Variants in DNM3 observed in about 807,000 individuals in gnomAD.
DNM3 encodes the protein dynamin 3.
DNM3 carries 47 observed loss-of-function variants against 101.6 expected under a neutral mutation model. The observed-to-expected ratio is 0.46, with a 90% CI of 0.37 to 0.59. DNM3 has a LOEUF of 0.59. Ranked by LOEUF, DNM3 falls within the 20% of genes least tolerant of loss-of-function variation. The probability of loss-of-function intolerance (pLI) is 0.00; values close to 1 mark genes in which losing one functional copy is unlikely to be tolerated. For missense variants in DNM3, 849 were observed against 1,085.7 expected, an observed-to-expected ratio of 0.78 and a Z score of 3.06; for synonymous variants, 385 against 387.9, an observed-to-expected ratio of 0.99 and a Z score of 0.09.
chr1:172,172,120 A>C (rs2058983771), intron 14 of DNM3, among the ~76,000 whole-genome samples: 1 of 151,630 alleles, frequency 6.6e-6, no homozygotes, highest in Non-Finnish European at 1.5e-5. Context: ...AAGGGTAGAG[A>C]GCCCCCTAAA....
chr1:172,243,108 G>T (rs959786637), intron 14 of DNM3, among the ~76,000 whole-genome samples: 1 of 151,998 alleles, frequency 6.6e-6, no homozygotes, highest in South Asian at 2.1e-4. Context: ...GCCATCTTTA[G>T]TCATAAGTCC....
intron 2 of DNM3, among the ~76,000 whole-genome samples, chr1:171,955,010 T>A (rs1055376827): frequency 6.6e-6 from 1 of 152,226 alleles, no homozygotes; most frequent in African/African-American, 2.4e-5. Context: ...ATATTCTCCT[T>A]TTTAAACACC....
chr1:172,410,711 T>G lies in DNM3; in HGVS notation c.*2870T>G. ...AGTAGGGTCTGTTTATTAGCAAATT[T>G]CCTATTTGTTCCAATACAAACTCAC... On this transcript the variant is annotated 3_prime_UTR_variant, in exon 21 of 21. Coordinates refer to ENST00000627582, the MANE Select transcript of DNM3 (RefSeq NM_015569.5). The G allele has an allele frequency of 1.0e-6, 1 of 985,358 alleles. No individual in the cohort carries two copies. The allele number at this position is 985,358 out of a possible 1,614,324, so 61.0% of individuals were successfully genotyped here.
At chr1:172,302,543 T>C (rs2064514887) in intron 15 of DNM3, among the ~76,000 whole-genome samples, 1 of 152,214 alleles carries the variant, frequency 6.6e-6, no homozygotes, top group Admixed American at 6.5e-5. Context: ...ATGTTTGAGC[T>C]CTGAGAACGG....
rs191958504 is a variant in DNM3, at chr1:172,265,095, C to T, written c.1769+11413C>T. ...ACTGACCATTGCTCCTGCTACAGTT[C>T]CTGACAAACTTTTAGTCATGGCTAT... On this transcript the variant is annotated intron_variant, in intron 15 of 20. Transcript: ENST00000627582. Among the ~76,000 whole-genome samples, 3 of 152,246 alleles carry T rather than the reference C, an allele frequency of 2.0e-5. No homozygotes were observed. In the East Asian group the frequency reaches 5.8e-4, roughly 29 times the overall value.
At chr1:172,413,405 A>G (rs1008210291), downstream of DNM3, among the ~76,000 whole-genome samples, 20 of 151,914 alleles carry the variant, frequency 1.3e-4, no homozygotes, top group African/African-American at 4.6e-4. Context: ...TTTTTTTGTA[A>G]TTTAGTAGAG....
At position 171,870,105 on chromosome 1, in the gene DNM3, A is replaced by G. The variant is rs140382956; in HGVS notation, c.161+28288A>G. On this transcript the variant is annotated intron_variant, in intron 1 of 20. Coordinates refer to ENST00000627582, the MANE Select transcript of DNM3 (RefSeq NM_015569.5). ...GCTCAGGGAAGAACTAGCCTTAACT[A>G]GGTCTGGTGGCTTGCTTCAGGACCT... is the stretch of plus-strand genomic sequence containing the variant. 1.2e-3 allele frequency among the ~76,000 whole-genome samples: 177 copies of G among 152,322 alleles called. 3 individuals carry two copies. In the East Asian group the frequency reaches 0.019, roughly 16 times the overall value.
intron 16 of DNM3, among the ~76,000 whole-genome samples, chr1:172,317,487 A>G (rs373345284): frequency 6.6e-6 from 1 of 152,144 alleles, no homozygotes; most frequent in Non-Finnish European, 1.5e-5. Context: ...TTGATAGACC[A>G]CTAGCAAGAC....
chr1:172,239,735 C>G (rs1028653312), intron 14 of DNM3, among the ~76,000 whole-genome samples: 1 of 149,064 alleles, frequency 6.7e-6, no homozygotes, highest in African/African-American at 2.5e-5. Context: ...AGTTCATTCT[C>G]TGGGTTCTTG....
At chr1:172,031,877 A>G (rs1327989045) in intron 4 of DNM3, among the ~76,000 whole-genome samples, 1 of 152,108 alleles carries the variant, frequency 6.6e-6, no homozygotes, top group Non-Finnish European at 1.5e-5. Context: ...TGTGTGGCTT[A>G]CAAGTTTATT....
rs571627453 is a variant in DNM3 at position 172,085,408 on chromosome 1, T to C, written c.1493+3506T>C. 2.0e-5 allele frequency among the ~76,000 whole-genome samples: 3 copies of C among 152,226 alleles called. No individual in the cohort carries two copies. In the South Asian group the frequency reaches 6.2e-4, roughly 32 times the overall value. On this transcript the variant is annotated intron_variant, in intron 12 of 20. Transcript: ENST00000627582. ...AGGCAATCTTGTTAGTGGAATGCCT[T>C]GGGAAGTGAAATTTCAAACTCCTCT...
At chr1:172,287,431 T>C (rs1479152629) in intron 15 of DNM3, among the ~76,000 whole-genome samples, 2 of 152,182 alleles carry the variant, frequency 1.3e-5, no homozygotes, top group Non-Finnish European at 2.9e-5. Flanking sequence ...ACCATGGCCA[T>C]TGGCAGCCAG....
chr1:171,871,700 T>C (rs1275156578), intron 1 of DNM3, among the ~76,000 whole-genome samples: 2 of 152,214 alleles, frequency 1.3e-5, no homozygotes, highest in Non-Finnish European at 2.9e-5. Flanking sequence ...TTTTAATTGT[T>C]GCTTTATTTG....
intron 14 of DNM3, among the ~76,000 whole-genome samples, chr1:172,163,414 A>G (rs577697732): frequency 4.6e-5 from 7 of 151,434 alleles, no homozygotes; most frequent in Admixed American, 1.3e-4. Context: ...AATTTTTTGT[A>G]TTTTTGGTAG....
intron 2 of DNM3, among the ~76,000 whole-genome samples, chr1:171,940,628 G>A (rs2041749832): frequency 6.6e-6 from 1 of 152,154 alleles, no homozygotes; most frequent in Admixed American, 6.5e-5. Flanking sequence ...ATCTCTGTAA[G>A]GCATGTTGAA....
chr1:172,185,482 G>A (rs1451465310), intron 14 of DNM3, among the ~76,000 whole-genome samples: 1 of 152,096 alleles, frequency 6.6e-6, no homozygotes, highest in African/African-American at 2.4e-5. Flanking sequence ...GGGTGCATTT[G>A]TAACAGAGCT....
At chr1:172,074,360 G>C (rs947733274) in intron 11 of DNM3, among the ~76,000 whole-genome samples, 1 of 152,020 alleles carries the variant, frequency 6.6e-6, no homozygotes, top group African/African-American at 2.4e-5. Flanking sequence ...TACATGTGCA[G>C]AATGTGCAGG....
intron 14 of DNM3, chr1:172,132,945 G>T (rs762730232): frequency 4.0e-6 from 6 of 1,500,892 alleles, no homozygotes; most frequent in Non-Finnish European, 5.4e-6. Context: ...CTAGTTGGTG[G>T]CAAAGCAGAA....
At chr1:171,969,801 T>C (rs2043857230) in intron 2 of DNM3, among the ~76,000 whole-genome samples, 1 of 152,170 alleles carries the variant, frequency 6.6e-6, no homozygotes, top group Non-Finnish European at 1.5e-5. Context: ...TATGGTCTTA[T>C]CTAATCCTCA....
Sources: allele counts gnomAD v4.1 joint callset (sites outside exome capture counted in the v4.1 genomes callset), GRCh38; gene constraint gnomAD v4.1.1; transcripts MANE v1.5; gene names NCBI Gene and HGNC (gene_info 2026-07-23, HGNC 2026-07-21).